STAG1: variants seen among roughly 807,000 people sequenced by gnomAD.
STAG1 encodes cohesin subunit SA-1.
Under a neutral mutation model 170.9 loss-of-function variants are expected in STAG1, and 26 were observed. That is an observed-to-expected ratio of 0.15 (90% CI 0.11 to 0.21). The LOEUF (loss-of-function observed/expected upper bound fraction) is 0.21. Among genes scored for constraint, STAG1 ranks in the 10% least tolerant of loss-of-function variants. STAG1 has a pLI of 1.00. For synonymous variants in STAG1, 514 were observed against 497.7 expected, an observed-to-expected ratio of 1.03 and a Z score of -0.44; for missense variants, 964 against 1,509.5, an observed-to-expected ratio of 0.64 and a Z score of 5.99.
intron 4 of STAG1, among the ~76,000 whole-genome samples, chr3:136,571,211 A>G (rs1219291013): frequency 6.6e-6 from 1 of 152,190 alleles, no homozygotes; most frequent in East Asian, 1.9e-4. Context: ...TTATACTCCC[A>G]CCAGTTACAT....
intron 21 of STAG1, among the ~76,000 whole-genome samples, chr3:136,410,154 C>T (rs531161410): frequency 6.6e-6 from 1 of 151,108 alleles, no homozygotes; most frequent in South Asian, 2.1e-4. Context: ...AATCCCAGAA[C>T]TCTGGGAGGC....
intron 1 of STAG1, among the ~76,000 whole-genome samples, chr3:136,703,826 A>C (rs1000022039): frequency 6.6e-6 from 1 of 152,002 alleles, no homozygotes; most frequent in Non-Finnish European, 1.5e-5. Context: ...CCTGGCCAAC[A>C]TGGTGAAACC....
intron 32 of STAG1, 68 bp from the exon 33 acceptor site, chr3:136,338,518 C>A: frequency 8.7e-7 from 1 of 1,154,780 alleles, no homozygotes; most frequent in Non-Finnish European, 1.3e-6. Context: ...TGATAATCAG[C>A]TAATATTTCT....
chr3:136,452,214 A>G (rs2088963577), intron 13 of STAG1, 67 bp from the exon 14 acceptor site: 3 of 954,576 alleles, frequency 3.1e-6, no homozygotes, highest in Admixed American at 1.9e-5. Context: ...CTCAACACAC[A>G]AATCATTTCA....
At chr3:136,446,331 AC>A (rs1264288942) in intron 14 of STAG1, among the ~76,000 whole-genome samples, 1 of 152,078 alleles carries the variant, frequency 6.6e-6, no homozygotes, top group East Asian at 1.9e-4. Flanking sequence ...TCCCTAGAAA[AC>A]ATGTTCAAGT....
At chr3:136,717,660 G>A (rs1943578050) in intron 1 of STAG1, among the ~76,000 whole-genome samples, 1 of 152,110 alleles carries the variant, frequency 6.6e-6, no homozygotes. Flanking sequence ...GTGAAACTCT[G>A]TCTCAATAAA....
chr3:136,421,853 T>C (rs909835823), intron 19 of STAG1, among the ~76,000 whole-genome samples: 2 of 152,008 alleles, frequency 1.3e-5, no homozygotes, highest in Non-Finnish European at 2.9e-5. Context: ...AAAATTAGAC[T>C]TTAAAGAGAT....
intron 8 of STAG1, among the ~76,000 whole-genome samples, chr3:136,501,730 C>T (rs1246703913): frequency 6.6e-6 from 1 of 152,096 alleles, no homozygotes; most frequent in East Asian, 1.9e-4. Flanking sequence ...ATCAAAACAT[C>T]GTTGCTTTTT....
intron 1 of STAG1, among the ~76,000 whole-genome samples, chr3:136,660,188 T>C (rs1322168064): frequency 2.0e-5 from 3 of 152,214 alleles, no homozygotes; most frequent in South Asian, 2.1e-4. Context: ...TCATTGGCGA[T>C]AGATGTCTCT....
At chr3:136,684,472 G>A (rs1576761158) in intron 1 of STAG1, among the ~76,000 whole-genome samples, 1 of 152,192 alleles carries the variant, frequency 6.6e-6, no homozygotes, top group Non-Finnish European at 1.5e-5. Flanking sequence ...CAAACAGGCG[G>A]GGTGCATTGG....
intron 29 of STAG1, among the ~76,000 whole-genome samples, chr3:136,346,776 TTTGATGAATG>T (rs1413675627): frequency 1.3e-5 from 2 of 152,094 alleles, no homozygotes; most frequent in Non-Finnish European, 2.9e-5. Context: ...CTAGCAAAAA[TTTGATGAATG>T]TTGGCTAATA....
At chr3:136,563,069 T>C (rs182681155) in intron 5 of STAG1, among the ~76,000 whole-genome samples, 34 of 152,350 alleles carry the variant, frequency 2.2e-4, no homozygotes, top group Non-Finnish European at 2.1e-4. Flanking sequence ...AAGCACATGA[T>C]AGCAATTAGC....
Position 136,466,866 on chromosome 3 carries a change from AG to A in STAG1, c.1206-1879del, listed in dbSNP as rs2089478321. 2.0e-5 allele frequency among the ~76,000 whole-genome samples: 3 copies of A among 152,264 alleles called. No homozygotes were observed. In the South Asian group the frequency reaches 6.2e-4, roughly 31 times the overall value. On this transcript the variant is annotated intron_variant, in intron 12 of 33. Transcript: ENST00000383202. Reference sequence around the variant, plus strand: ...CCAACATCCAACATTCTTCAAGAAAAGAATTTTCAACCCAGAATTTCATATG... The same window carrying A: ...CCAACATCCAACATTCTTCAAGAAAAAATTTTCAACCCAGAATTTCATATG...
chr3:136,553,528 C>A (rs1936489816), intron 5 of STAG1, among the ~76,000 whole-genome samples: 1 of 152,010 alleles, frequency 6.6e-6, no homozygotes, highest in Non-Finnish European at 1.5e-5. Context: ...GTAATCCCAG[C>A]ACTTTGGGAG....
At chr3:136,586,619 C>T (rs1398496951) in intron 4 of STAG1, among the ~76,000 whole-genome samples, 1 of 152,178 alleles carries the variant, frequency 6.6e-6, no homozygotes, top group Non-Finnish European at 1.5e-5. Context: ...GCAGTGAATG[C>T]TCTTCTTATC....
At chr3:136,368,675 T>C (rs1424397438) in intron 24 of STAG1, among the ~76,000 whole-genome samples, 1 of 152,144 alleles carries the variant, frequency 6.6e-6, no homozygotes, top group East Asian at 1.9e-4. Flanking sequence ...TAATATGAAT[T>C]ATGCTATATC....
chr3:136,737,088 G>C, intron 1 of STAG1: 1 of 979,862 alleles, frequency 1.0e-6, no homozygotes. Flanking sequence ...GAAGTAAGAG[G>C]AACCAGGACA....
intron 6 of STAG1, among the ~76,000 whole-genome samples, chr3:136,524,469 T>C (rs1294798665): frequency 3.3e-5 from 5 of 152,360 alleles, no homozygotes; most frequent in Non-Finnish European, 5.9e-5. Context: ...TTGCTGAAGT[T>C]GCTTATCAGC....
intron 1 of STAG1, among the ~76,000 whole-genome samples, chr3:136,695,069 G>C (rs1166211029): frequency 6.6e-6 from 1 of 152,090 alleles, no homozygotes; most frequent in East Asian, 1.9e-4. Flanking sequence ...TACCAACTAA[G>C]GTATATGTCC....
Sources: allele counts gnomAD v4.1 joint callset (sites outside exome capture counted in the v4.1 genomes callset), GRCh38; gene constraint gnomAD v4.1.1; transcripts MANE v1.5; gene names NCBI Gene and HGNC (gene_info 2026-07-23, HGNC 2026-07-21).